Variants in STK17A observed in about 807,000 individuals in gnomAD.
STK17A encodes the protein serine/threonine-protein kinase 17A.
STK17A carries 26 observed loss-of-function variants against 43.7 expected under a neutral mutation model. The observed-to-expected ratio is 0.60, with a 90% CI of 0.44 to 0.83. The LOEUF (loss-of-function observed/expected upper bound fraction) is 0.83, where lower values mean the gene tolerates loss of function less well. Ranked by LOEUF, STK17A falls within the 40% of genes least tolerant of loss-of-function variation. The probability of loss-of-function intolerance (pLI) is 0.00; values close to 1 mark genes in which losing one functional copy is unlikely to be tolerated. For synonymous variants in STK17A, 191 were observed against 182.5 expected (o/e 1.05, Z -0.38); for missense variants, 476 against 511.6 (o/e 0.93, Z 0.67).
intron 3 of STK17A, among the ~76,000 whole-genome samples, chr7:43,618,896 G>A (rs906983245): frequency 1.3e-5 from 2 of 152,124 alleles, no homozygotes; most frequent in Admixed American, 6.5e-5. Flanking sequence ...AGATGAAATC[G>A]CTCCAAAATA....
At chr7:43,614,480 T>C (rs532677958) in intron 3 of STK17A, among the ~76,000 whole-genome samples, 7 of 152,360 alleles carry the variant, frequency 4.6e-5, no homozygotes, top group Non-Finnish European at 7.3e-5. Context: ...TCAGGACATG[T>C]ATTTCGGCTT....
chr7:43,623,919 A>G (rs1187499640), intron 6 of STK17A, 31 bp downstream of exon 6: 1 of 1,348,208 alleles, frequency 7.4e-7, no homozygotes, highest in Admixed American at 2.8e-5. Context: ...TTTAATATTG[A>G]ACTAATTCAA....
intron 3 of STK17A, 96 bp from the exon 4 acceptor site, chr7:43,619,495 CCTCAGT>C: frequency 7.2e-7 from 1 of 1,390,376 alleles, no homozygotes; most frequent in Non-Finnish European, 9.8e-7. Context: ...CTGTTAAATT[CCTCAGT>C]CTCAGTTTCA....
Position 43,623,951 on chromosome 7 carries a change from A to T in STK17A, c.920+63A>T, listed in dbSNP as rs975363097. ...TCAATATTAAAAAATTCAGTATTAA[A>T]AAACTGACAGTTTTTTCTTGAATCT... On this transcript the variant is annotated intron_variant, in intron 6 of 6. Transcript: ENST00000319357. 35 of 1,200,756 alleles carry T rather than the reference A, an allele frequency of 2.9e-5. No homozygotes were observed. The African/African-American group carries it at 4.6e-4, about 16-fold the overall frequency. 74.4% of individuals were successfully genotyped at this position (1,200,756 alleles called of 1,614,324 possible).
chr7:43,614,112 A>ATTG (rs2083125759), intron 3 of STK17A, among the ~76,000 whole-genome samples: 1 of 152,184 alleles, frequency 6.6e-6, no homozygotes, highest in African/African-American at 2.4e-5. Flanking sequence ...ATGACACCCT[A>ATTG]AGCCTTATTG....
At position 43,619,712 on chromosome 7, in the gene STK17A, C is replaced by T. The variant is rs1471496373; in HGVS notation, c.680C>T (p.Pro227Leu). 8.7e-6 allele frequency: 14 copies of T among 1,613,612 alleles called. No individual in the cohort carries two copies. The highest frequency in any genetic ancestry group is 2.2e-5 in the East Asian group (1 of 44,878). Residue 227 changes from proline to leucine, a missense_variant, in exon 4 of 7, where the codon CCT becomes CTT. Pro to Leu is a moderately conservative substitution (Grantham distance 98, BLOSUM62 -3). Around this residue, in one of 3 missense-constraint regions of STK17A, gnomAD observed 320 missense variants for 326.3 expected, o/e 0.98. Coordinates refer to ENST00000319357, the MANE Select transcript of STK17A (RefSeq NM_004760.3). Reference sequence around the variant, plus strand: ...GAGCTCCGAGAAATTATGGGTACCCCTGAATATGTGGGTAAGTATTCATAA... The same window carrying T: ...GAGCTCCGAGAAATTATGGGTACCCTTGAATATGTGGGTAAGTATTCATAA... Reference protein sequence around the residue: ...SEELREIMGTPEYVAPEILSY... With the variant: ...SEELREIMGTLEYVAPEILSY...
chr7:43,589,462 A>T lies in STK17A; in HGVS notation c.206+6013A>T, dbSNP rs546531186. On this transcript the variant is annotated intron_variant, in intron 1 of 6. Coordinates refer to ENST00000319357, the MANE Select transcript of STK17A (RefSeq NM_004760.3). ...TTTCTGATGTTTACCTGAATGTTAT[A>T]TATTCTATTATCTCTTCACCTTTGC... 2.0e-5 allele frequency among the ~76,000 whole-genome samples: 3 copies of T among 151,572 alleles called. No homozygotes were observed. In the East Asian group the frequency reaches 5.8e-4, roughly 29 times the overall value.
chr7:43,584,071 C>T (rs1360418444), intron 1 of STK17A, among the ~76,000 whole-genome samples: 1 of 152,098 alleles, frequency 6.6e-6, no homozygotes, highest in African/African-American at 2.4e-5. Flanking sequence ...TCGCTTTTTA[C>T]TTTGCTGGGA....
chr7:43,621,599 C>T (rs1351073931), intron 4 of STK17A, among the ~76,000 whole-genome samples: 1 of 152,158 alleles, frequency 6.6e-6, no homozygotes, highest in East Asian at 1.9e-4. Flanking sequence ...TCCCGAGTAG[C>T]TGGGACCACA....
chr7:43,585,599 C>T (rs953647590), intron 1 of STK17A, among the ~76,000 whole-genome samples: 1 of 151,530 alleles, frequency 6.6e-6, no homozygotes, highest in Admixed American at 6.6e-5. Flanking sequence ...TCCCTTGTGG[C>T]ACCCTTTTTT....
At chr7:43,621,226 A>G (rs2153011729) in intron 4 of STK17A, among the ~76,000 whole-genome samples, 1 of 152,346 alleles carries the variant, frequency 6.6e-6, no homozygotes, top group East Asian at 1.9e-4. Context: ...AAAATTTTTT[A>G]TATATTTTAA....
At chr7:43,583,520 CCGG>C in intron 1 of STK17A, 71 bp downstream of exon 1, 1 of 1,189,704 alleles carries the variant, frequency 8.4e-7, no homozygotes, top group Non-Finnish European at 1.1e-6. Context: ...CCGATAAGTG[CCGG>C]CGCCGCGGCG....
chr7:43,607,245 T>C (rs1457202326), intron 2 of STK17A, among the ~76,000 whole-genome samples: 2 of 152,110 alleles, frequency 1.3e-5, no homozygotes. Context: ...TAATAGTCTA[T>C]ATTTGAAATA....
Position 43,625,064 on chromosome 7 carries a change from T to C in STK17A, c.*222T>C, listed in dbSNP as rs2084357048. 5.5e-6 allele frequency: 2 copies of C among 362,542 alleles called. No homozygotes were observed. Among genetic ancestry groups the C allele is most frequent in the African/African-American group, 2.1e-5 (1 of 47,766 alleles). 22.5% of individuals were successfully genotyped at this position (362,542 alleles called of 1,614,324 possible). A position where few individuals can be genotyped will look rare whatever the true frequency, so the allele number is the denominator to read the frequency against. On this transcript the variant is annotated 3_prime_UTR_variant, in exon 7 of 7. Transcript: ENST00000319357. Reference sequence around the variant, plus strand: ...CAGTTACCCGTTTCAATGTTATTTTTAAGAAGGGAGATGTTGGCACCTTTG... The same window carrying C: ...CAGTTACCCGTTTCAATGTTATTTTCAAGAAGGGAGATGTTGGCACCTTTG...
At chr7:43,603,981 C>T (rs760312671) in intron 2 of STK17A, among the ~76,000 whole-genome samples, 1 of 152,064 alleles carries the variant, frequency 6.6e-6, no homozygotes, top group Non-Finnish European at 1.5e-5. Context: ...TGCTTCTGGT[C>T]CCAAACATTT....
chr7:43,619,440 T>C (rs1178460924), intron 3 of STK17A, among the ~76,000 whole-genome samples, 157 bp from the exon 4 acceptor site: 1 of 152,202 alleles, frequency 6.6e-6, no homozygotes, highest in Non-Finnish European at 1.5e-5. Flanking sequence ...GCCTTATACA[T>C]AGGCAATAAA....
At chr7:43,618,588 G>C (rs1034005724) in intron 3 of STK17A, among the ~76,000 whole-genome samples, 5 of 152,174 alleles carry the variant, frequency 3.3e-5, no homozygotes, top group African/African-American at 1.2e-4. Context: ...CATTAAGTGA[G>C]GACCCTTTAT....
intron 1 of STK17A, among the ~76,000 whole-genome samples, chr7:43,592,743 G>A (rs2082488295): frequency 6.6e-6 from 1 of 151,054 alleles, no homozygotes; most frequent in Non-Finnish European, 1.5e-5. Context: ...GTATGTGCTT[G>A]TAATTCCAGC....
intron 4 of STK17A, among the ~76,000 whole-genome samples, chr7:43,620,264 ACTTT>A (rs1178938108): frequency 6.6e-6 from 1 of 152,196 alleles, no homozygotes; most frequent in Admixed American, 6.5e-5. Flanking sequence ...GTCAACTATT[ACTTT>A]CTTTGATAGA....
Sources: allele counts gnomAD v4.1 joint callset (sites outside exome capture counted in the v4.1 genomes callset), GRCh38; gene constraint gnomAD v4.1.1; regional missense constraint gnomAD v4.1.1; transcripts MANE v1.5; gene names NCBI Gene and HGNC (gene_info 2026-07-23, HGNC 2026-07-21).